The following RFTN1 variants were observed in gnomAD, a reference collection of about 807,000 sequenced individuals.
RFTN1 encodes raftlin.
Under a neutral mutation model 46.5 loss-of-function variants are expected in RFTN1, and 26 were observed. That is an observed-to-expected ratio of 0.56 (90% CI 0.41 to 0.78). The LOEUF (loss-of-function observed/expected upper bound fraction) is 0.78, where lower values mean the gene tolerates loss of function less well. Among genes scored for constraint, RFTN1 ranks in the 30% least tolerant of loss-of-function variants. RFTN1 has a pLI of 0.00. For synonymous variants in RFTN1, 261 were observed against 284.2 expected (o/e 0.92, Z 0.82); for missense variants, 693 against 718.7 (o/e 0.96, Z 0.41).
Position 16,321,575 on chromosome 3 carries a change from T to A in RFTN1, c.1332+1801A>T, listed in dbSNP as rs186230337. On this transcript the variant is annotated intron_variant, in intron 9 of 9. Transcript: ENST00000334133. The surrounding 1 kb of genome is among the most constrained non-coding windows in gnomAD (Gnocchi z 4.8). ...CAGTGCAGAAGATTCTTCCAAGGAG[T>A]CTGGCTGTGAAGCCCCCCTCTCTGG... Among the ~76,000 whole-genome samples, 2 of 151,870 alleles carry A rather than the reference T, an allele frequency of 1.3e-5. No homozygotes were observed. The highest frequency in any genetic ancestry group is 3.9e-4 in the East Asian group (2 of 5,160).
rs1439704367 is a variant in RFTN1 at position 16,449,444 on chromosome 3, C to T, written c.146-15407G>A. 1.3e-5 allele frequency among the ~76,000 whole-genome samples: 2 copies of T among 152,102 alleles called. No homozygotes were observed. Among genetic ancestry groups the T allele is most frequent in the Non-Finnish European group, 2.9e-5 (2 of 68,002 alleles). ...TTTTGTCTACAGAGGATAAAAATAACACCTTTCTCATCAGGCTGCTATGAA... is the reference window on the plus strand; with the variant it reads ...TTTTGTCTACAGAGGATAAAAATAATACCTTTCTCATCAGGCTGCTATGAA... On this transcript the variant is annotated intron_variant, in intron 2 of 9. Transcript: ENST00000334133. This position sits in a 1 kb window ranked among gnomAD's most constrained non-coding sequence, Gnocchi z 5.1.
At chr3:16,482,734 T>C in intron 2 of RFTN1, 1 of 1,519,642 alleles carries the variant, frequency 6.6e-7, no homozygotes, top group Non-Finnish European at 8.8e-7. Flanking sequence ...TTAACAATGA[T>C]TATATCAATA....
rs1202185342 is a variant in RFTN1 at position 16,507,122 on chromosome 3, G to A, written c.-9+6320C>T. ...GGGACAACTGCAATATCTACTTCTA[G>A]GGTGAGGACTAAATAAGGTAGGGTG... On this transcript the variant is annotated intron_variant, in intron 1 of 9. Coordinates refer to ENST00000334133, the MANE Select transcript of RFTN1 (RefSeq NM_015150.2). The surrounding 1 kb of genome is among the most constrained non-coding windows in gnomAD (Gnocchi z 7.1). 6.6e-6 allele frequency among the ~76,000 whole-genome samples: 1 copy of A among 152,132 alleles called. No individual in the cohort carries two copies. The highest frequency in any genetic ancestry group is 1.5e-5 in the Non-Finnish European group (1 of 68,022).
Position 16,429,562 on chromosome 3 carries a change from G to T in RFTN1, c.332+4289C>A, listed in dbSNP as rs1383525384. 6.6e-6 allele frequency among the ~76,000 whole-genome samples: 1 copy of T among 152,146 alleles called. No homozygotes were observed. Among genetic ancestry groups the T allele is most frequent in the African/African-American group, 2.4e-5 (1 of 41,414 alleles). ...CATATCTCATTTACTTAATTAGACT[G>T]CAAGTGCTTGGAAGGCAGGCTCCAC... On this transcript the variant is annotated intron_variant, in intron 3 of 9. Coordinates refer to ENST00000334133, the MANE Select transcript of RFTN1 (RefSeq NM_015150.2). The surrounding 1 kb of genome is among the most constrained non-coding windows in gnomAD (Gnocchi z 6.4).
At chr3:16,463,668 CT>C (rs2076042930) in intron 2 of RFTN1, among the ~76,000 whole-genome samples, 1 of 152,146 alleles carries the variant, frequency 6.6e-6, no homozygotes, top group South Asian at 2.1e-4. Flanking sequence ...TCTGGATCAT[CT>C]GTGAATCTGT....
Position 16,479,701 on chromosome 3 carries a change from C to T in RFTN1, c.145+14024G>A, listed in dbSNP as rs1179171387. 1.3e-5 allele frequency among the ~76,000 whole-genome samples: 2 copies of T among 152,132 alleles called. No homozygotes were observed. Among genetic ancestry groups the T allele is most frequent in the Admixed American group, 6.5e-5 (1 of 15,288 alleles). Reference sequence around the variant, plus strand: ...AGTTCAGCCTGTTGGCATCAGCAGCCCTGATGAGTCCACTCACCCCCAGGA... The same window carrying T: ...AGTTCAGCCTGTTGGCATCAGCAGCTCTGATGAGTCCACTCACCCCCAGGA... On this transcript the variant is annotated intron_variant, in intron 2 of 9. Coordinates refer to ENST00000334133, the MANE Select transcript of RFTN1 (RefSeq NM_015150.2). The surrounding 1 kb of genome is among the most constrained non-coding windows in gnomAD (Gnocchi z 5.1).
At chr3:16,347,540 A>C (rs953841121) in intron 7 of RFTN1, 5 of 151,852 alleles carry the variant, frequency 3.3e-5, no homozygotes, top group African/African-American at 1.2e-4. Context: ...AGCATTTTCA[A>C]CTCTCTACTC....
intron 2 of RFTN1, 99 bp from the exon 3 acceptor site, chr3:16,434,136 G>T: frequency 1.0e-6 from 1 of 987,754 alleles, no homozygotes; most frequent in Non-Finnish European, 1.5e-6. Context: ...GGATCCTCTA[G>T]GTCACTGCTA....
chr3:16,351,753 G>A lies in RFTN1; in HGVS notation c.1146+6179C>T, dbSNP rs2072118831. Among the ~76,000 whole-genome samples the A allele has an allele frequency of 6.6e-6, 1 of 152,102 alleles. No individual in the cohort carries two copies. The highest frequency in any genetic ancestry group is 2.1e-4 in the South Asian group (1 of 4,834). On this transcript the variant is annotated intron_variant, in intron 7 of 9. Transcript: ENST00000334133. The surrounding 1 kb of genome is among the most constrained non-coding windows in gnomAD (Gnocchi z 5.4). ...TGATTTAAAAGCATATAAACTATAA[G>A]TGCAAAAACAAGTTGTTTCTCAAAA...
At chr3:16,350,939 T>A (rs2072055238) in intron 7 of RFTN1, among the ~76,000 whole-genome samples, 1 of 152,212 alleles carries the variant, frequency 6.6e-6, no homozygotes, top group South Asian at 2.1e-4. Flanking sequence ...GAAATTGATG[T>A]TACTCCCTGG....
At chr3:16,393,222 CTT>C (rs1340728659) in intron 4 of RFTN1, among the ~76,000 whole-genome samples, 1 of 152,110 alleles carries the variant, frequency 6.6e-6, no homozygotes, top group Non-Finnish European at 1.5e-5. Flanking sequence ...AAGCTGCTCT[CTT>C]AAAGATGGGT....
intron 4 of RFTN1, among the ~76,000 whole-genome samples, chr3:16,378,479 C>CT (rs1043511983): frequency 4.7e-4 from 72 of 152,206 alleles, no homozygotes; most frequent in Non-Finnish European, 9.4e-4. Context: ...TTTTTTGTCA[C>CT]TTTTTTTCGG....
intron 6 of RFTN1, among the ~76,000 whole-genome samples, chr3:16,369,610 C>T (rs574375378): frequency 6.6e-6 from 1 of 152,314 alleles, no homozygotes; most frequent in Non-Finnish European, 1.5e-5. Flanking sequence ...GACCTGGGAA[C>T]AGTGTGTGTC....
rs989483355 is a variant in RFTN1 at position 16,429,745 on chromosome 3, C to T, written c.332+4106G>A. Among the ~76,000 whole-genome samples, 4 of 152,166 alleles carry T rather than the reference C, an allele frequency of 2.6e-5. No homozygotes were observed. Among genetic ancestry groups the T allele is most frequent in the African/African-American group, 9.7e-5 (4 of 41,436 alleles). On this transcript the variant is annotated intron_variant, in intron 3 of 9. Coordinates refer to ENST00000334133, the MANE Select transcript of RFTN1 (RefSeq NM_015150.2). This position sits in a 1 kb window ranked among gnomAD's most constrained non-coding sequence, Gnocchi z 6.4. The stretch of plus-strand genomic sequence containing the variant: ...TCCGTCTGGTGTTTCTGGCATATCC[C>T]AAAGCCCAGTTATTTGTTAAAAATT...
chr3:16,467,308 C>T (rs1318352542), intron 2 of RFTN1, among the ~76,000 whole-genome samples: 1 of 152,170 alleles, frequency 6.6e-6, no homozygotes, highest in Non-Finnish European at 1.5e-5. Context: ...GAAGAAAGAT[C>T]CCAAGGTCAA....
chr3:16,376,888 C>G lies in RFTN1; in HGVS notation c.826+830G>C, dbSNP rs188956088. Among the ~76,000 whole-genome samples the G allele has an allele frequency of 6.6e-6, 1 of 152,068 alleles. No individual in the cohort carries two copies. Among genetic ancestry groups the G allele is most frequent in the African/African-American group, 2.4e-5 (1 of 41,412 alleles). On this transcript the variant is annotated intron_variant, in intron 5 of 9. Coordinates refer to ENST00000334133, the MANE Select transcript of RFTN1 (RefSeq NM_015150.2). The surrounding 1 kb of genome is among the most constrained non-coding windows in gnomAD (Gnocchi z 4.7). ...TTGTAAGAGGCTAAATTCAAGAATT[C>G]GTAAATAAATGGTAATAACAATATT...
rs878945886 is a variant in RFTN1 at position 16,512,020 on chromosome 3, G to T, written c.-9+1422C>A. Among the ~76,000 whole-genome samples, 4 of 152,294 alleles carry T rather than the reference G, an allele frequency of 2.6e-5. No homozygotes were observed. The highest frequency in any genetic ancestry group is 2.6e-4 in the Admixed American group (4 of 15,304). ...GCCAGAAACCCCACTGAAGGCAAAA[G>T]AGGATGCAGAGCTCAGTCTGAGGTT... On this transcript the variant is annotated intron_variant, in intron 1 of 9. Coordinates refer to ENST00000334133, the MANE Select transcript of RFTN1 (RefSeq NM_015150.2). This position sits in a 1 kb window ranked among gnomAD's most constrained non-coding sequence, Gnocchi z 4.3.
At chr3:16,386,036 T>A (rs772166568) in intron 4 of RFTN1, among the ~76,000 whole-genome samples, 1 of 152,232 alleles carries the variant, frequency 6.6e-6, no homozygotes, top group Non-Finnish European at 1.5e-5. Flanking sequence ...AAATGTTATG[T>A]TAGCAAAGCA....
At chr3:16,472,286 GTTC>G (rs1428276688) in intron 2 of RFTN1, among the ~76,000 whole-genome samples, 1 of 151,944 alleles carries the variant, frequency 6.6e-6, no homozygotes, top group African/African-American at 2.4e-5. Flanking sequence ...AAGGCAAAGT[GTTC>G]TTCTCTGCAT....
Sources: allele counts gnomAD v4.1 joint callset (sites outside exome capture counted in the v4.1 genomes callset), GRCh38; gene constraint gnomAD v4.1.1; non-coding constraint Gnocchi (gnomAD v3.1); transcripts MANE v1.5; gene names NCBI Gene and HGNC (gene_info 2026-07-23, HGNC 2026-07-21).